The following PLB1 variants were observed in gnomAD, a reference collection of about 807,000 sequenced individuals.
PLB1 encodes the protein phospholipase B1, membrane-associated.
Under a neutral mutation model 227.4 loss-of-function variants are expected in PLB1, and 242 were observed. The ratio of observed to expected loss-of-function variants is 1.06; its 90% CI spans 0.96 to 1.18. PLB1 has a LOEUF of 1.18. Ranked by LOEUF, PLB1 falls within the 50% of genes most tolerant of loss-of-function variation. The pLI is 0.00. For synonymous variants in PLB1, 757 were observed against 682.2 expected, an observed-to-expected ratio of 1.11 and a Z score of -1.71; for missense variants, 1,858 against 1,816.3, an observed-to-expected ratio of 1.02 and a Z score of -0.42.
chr2:28,632,162 G>T, intron 55 of PLB1, 22 bp downstream of exon 55: 1 of 1,585,718 alleles, frequency 6.3e-7, no homozygotes, highest in Non-Finnish European at 8.7e-7. Flanking sequence ...GTATTTTAGG[G>T]AGGCTCACGT....
At chr2:28,614,141 C>A (rs1235774678) in intron 44 of PLB1, 45 bp downstream of exon 44, 1 of 1,537,370 alleles carries the variant, frequency 6.5e-7, no homozygotes. Flanking sequence ...CAAACCATTT[C>A]CACCTGCCAG....
chr2:28,563,593 C>T (rs1172892801), intron 18 of PLB1, among the ~76,000 whole-genome samples: 1 of 151,928 alleles, frequency 6.6e-6, no homozygotes, highest in Admixed American at 6.6e-5. Flanking sequence ...GGTGGGAAGA[C>T]GGGAGTCTGT....
At chr2:28,638,407 T>G (rs72851604) in intron 56 of PLB1, among the ~76,000 whole-genome samples, 3 of 151,922 alleles carry the variant, frequency 2.0e-5, no homozygotes, top group African/African-American at 7.3e-5. Context: ...GGTGAAAAAG[T>G]TGGGCAGGGG....
chr2:28,580,789 C>A (rs1160346020), intron 23 of PLB1, among the ~76,000 whole-genome samples: 1 of 151,470 alleles, frequency 6.6e-6, no homozygotes, highest in Non-Finnish European at 1.5e-5. Flanking sequence ...TTACACAGAG[C>A]AGGAGACTTT....
chr2:28,623,584 C>T (rs979679713), intron 49 of PLB1, among the ~76,000 whole-genome samples: 3 of 152,086 alleles, frequency 2.0e-5, no homozygotes, highest in African/African-American at 7.2e-5. Flanking sequence ...TAATGAGAAA[C>T]AAGGGTAGGG....
intron 11 of PLB1, among the ~76,000 whole-genome samples, chr2:28,539,729 A>AGG (rs1672202372): frequency 6.6e-6 from 1 of 151,962 alleles, no homozygotes; most frequent in Non-Finnish European, 1.5e-5. Context: ...GTGCTGGGGA[A>AGG]GGAGGGCTCT....
chr2:28,620,443 G>A (rs755936793), intron 47 of PLB1, 111 bp downstream of exon 47: 106 of 1,341,398 alleles, frequency 7.9e-5, no homozygotes, highest in Non-Finnish European at 9.3e-5. Flanking sequence ...AGGTCCCAGC[G>A]CTGAGACAGG....
At chr2:28,507,522 C>T (rs1421420535) in intron 1 of PLB1, among the ~76,000 whole-genome samples, 1 of 152,166 alleles carries the variant, frequency 6.6e-6, no homozygotes, top group Non-Finnish European at 1.5e-5. Context: ...AACCTAGTCA[C>T]CTGTTATAGG....
At chr2:28,584,089 C>A (rs1051142168) in intron 25 of PLB1, among the ~76,000 whole-genome samples, 7 of 152,188 alleles carry the variant, frequency 4.6e-5, no homozygotes, top group African/African-American at 1.7e-4. Context: ...CAGGTCCCCA[C>A]CCCAGCCCTG....
rs1414467517 is a variant in PLB1, at chr2:28,578,800, CTAT to C, written c.1485+647_1485+649del. Among the ~76,000 whole-genome samples the C allele has an allele frequency of 3.9e-5, 6 of 152,224 alleles. No homozygotes were observed. In the South Asian group the frequency reaches 6.2e-4, roughly 16 times the overall value. On this transcript the variant is annotated intron_variant, in intron 22 of 57. Transcript: ENST00000327757. ...TATATAATTTAATGTACATCAAAGT[CTAT>C]TATTGGGAGGTTCTCAGGGTATTTC...
In PLB1 at chr2:28,529,427, C is replaced by G. The variant is rs748325111; in HGVS notation, c.416+20C>G. The G allele has an allele frequency of 3.3e-5, 52 of 1,553,630 alleles. No individual in the cohort carries two copies. The highest frequency in any genetic ancestry group is 1.7e-4 in the Middle Eastern group (1 of 5,962). ...TGCTGAGTAAGTTCCCTTTCTGTCT[C>G]TCTCTGAGGTTATGTGTTCCTACTG... On this transcript the variant is annotated intron_variant, in intron 7 of 57. Coordinates refer to ENST00000327757, the MANE Select transcript of PLB1 (RefSeq NM_153021.5).
At chr2:28,531,219 C>T (rs1670964492) in intron 8 of PLB1, among the ~76,000 whole-genome samples, 1 of 152,128 alleles carries the variant, frequency 6.6e-6, no homozygotes, top group Non-Finnish European at 1.5e-5. Context: ...TGTACATTAC[C>T]TTCCATATTT....
intron 48 of PLB1, 102 bp downstream of exon 48, chr2:28,620,745 A>G (rs1686925900): frequency 6.4e-7 from 1 of 1,559,610 alleles, no homozygotes; most frequent in African/African-American, 1.4e-5. Context: ...GCAAGAAGGG[A>G]AGTCAGCCAG....
At chr2:28,605,807 C>T in intron 41 of PLB1, 46 bp from the exon 42 acceptor site, 1 of 1,508,836 alleles carries the variant, frequency 6.6e-7, no homozygotes, top group Non-Finnish European at 9.2e-7. Flanking sequence ...GTGGTGGCTC[C>T]CTCTGAACCA....
At chr2:28,555,967 C>T (rs1463996274) in intron 17 of PLB1, among the ~76,000 whole-genome samples, 1 of 149,664 alleles carries the variant, frequency 6.7e-6, no homozygotes, top group Non-Finnish European at 1.5e-5. Context: ...CTCCCTGGCT[C>T]GAGATCCTCC....
rs555873782 is a variant in PLB1 at position 28,607,215 on chromosome 2, C to T, written c.3129+648C>T. 5.9e-5 allele frequency among the ~76,000 whole-genome samples: 9 copies of T among 152,292 alleles called. No individual in the cohort carries two copies. In the East Asian group the frequency reaches 1.7e-3, roughly 29 times the overall value. On this transcript the variant is annotated intron_variant, in intron 43 of 57. Transcript: ENST00000327757. ...CCTGTTTCTAGGCCCGGTCTTATGG[C>T]TTTTTAACCAAATAAGGCCAAGGCC...
chr2:28,607,332 C>T (rs529539823), intron 43 of PLB1, among the ~76,000 whole-genome samples: 1 of 152,316 alleles, frequency 6.6e-6, no homozygotes, highest in African/African-American at 2.4e-5. Flanking sequence ...CCCTCTCCCA[C>T]CCTCCCTGCT....
chr2:28,521,329 T>C (rs1332785549), intron 4 of PLB1, among the ~76,000 whole-genome samples: 2 of 152,254 alleles, frequency 1.3e-5, no homozygotes. Context: ...TAATTCTATT[T>C]TTAAAACTCT....
intron 12 of PLB1, among the ~76,000 whole-genome samples, chr2:28,541,364 T>C (rs902904330): frequency 5.3e-5 from 8 of 152,156 alleles, no homozygotes; most frequent in African/African-American, 1.4e-4. Flanking sequence ...ACAACATTTT[T>C]TGAGTGGTTA....
Sources: allele counts gnomAD v4.1 joint callset (sites outside exome capture counted in the v4.1 genomes callset), GRCh38; gene constraint gnomAD v4.1.1; transcripts MANE v1.5; gene names NCBI Gene and HGNC (gene_info 2026-07-23, HGNC 2026-07-21).